MEGF8: variants seen among roughly 807,000 people sequenced by gnomAD.
The protein encoded by MEGF8 is multiple EGF like domains 8.
A neutral mutation model predicts 302.9 loss-of-function variants in MEGF8; 156 were observed. The observed-to-expected ratio is 0.52, with a 90% CI of 0.45 to 0.59. The LOEUF (loss-of-function observed/expected upper bound fraction) is 0.59, where lower values mean the gene tolerates loss of function less well. Among genes scored for constraint, MEGF8 ranks in the 20% least tolerant of loss-of-function variants. The pLI, the probability that MEGF8 is intolerant of heterozygous loss-of-function variation, is 0.00. For missense variants in MEGF8, 3,345 were observed against 3,964.5 expected (o/e 0.84, Z 4.20); for synonymous variants, 1,621 against 1,660.5 (o/e 0.98, Z 0.58).
intron 12 of MEGF8, among the ~76,000 whole-genome samples, chr19:42,347,602 C>T (rs1017419244): frequency 2.0e-5 from 3 of 152,068 alleles, no homozygotes; most frequent in Non-Finnish European, 4.4e-5. Flanking sequence ...GAACGATTCT[C>T]CTGCCTCAGG....
At chr19:42,361,998 G>T in intron 32 of MEGF8, 92 bp from the exon 33 acceptor site, 1 of 1,533,408 alleles carries the variant, frequency 6.5e-7, no homozygotes. Context: ...TCCAGCTTGG[G>T]ATGCAGGGTT....
At chr19:42,341,161 G>C (rs1411228437) in intron 8 of MEGF8, among the ~76,000 whole-genome samples, 1 of 152,074 alleles carries the variant, frequency 6.6e-6, no homozygotes, top group Admixed American at 6.6e-5. Context: ...GCCAGGCACT[G>C]TGGCTCATTC....
intron 35 of MEGF8, among the ~76,000 whole-genome samples, chr19:42,365,526 GA>G (rs1038191486): frequency 6.6e-6 from 1 of 150,486 alleles, no homozygotes; most frequent in East Asian, 1.9e-4. Context: ...AACACTTCAA[GA>G]AGCTGAGACA....
In MEGF8 at chr19:42,353,925, G is replaced by T; in HGVS notation, c.3912G>T (p.Trp1304Cys). 1 of 1,588,912 alleles carries T rather than the reference G, an allele frequency of 6.3e-7. No individual in the cohort carries two copies. Among genetic ancestry groups the T allele is most frequent in the East Asian group, 2.3e-5 (1 of 43,424 alleles). ...RAGPGLSYCVWVVSATEELQP... is the reference protein window; with the variant it reads ...RAGPGLSYCVCVVSATEELQP... ...GGCCTGGCCTGTCCTACTGTGTGTG[G>T]GTTGTCTCGGCCACTGAGGAGCTAC... Residue 1304 changes from tryptophan (W) to cysteine (C), a missense_variant, in exon 22 of 42, where the codon TGG (tryptophan) becomes TGT (cysteine). By Grantham distance (215) the Trp-to-Cys change is radical. Transcript: ENST00000251268. The surrounding 1 kb of genome is among the most constrained non-coding windows in gnomAD (Gnocchi z 6.1).
rs757833121 is a variant in MEGF8 at position 42,370,688 on chromosome 19, C to T, written c.7006-13C>T. The T allele has an allele frequency of 6.3e-7, 1 of 1,590,188 alleles. No homozygotes were observed. Among genetic ancestry groups the T allele is most frequent in the Non-Finnish European group, 8.6e-7 (1 of 1,168,378 alleles). On this transcript the variant is annotated splice_polypyrimidine_tract_variant and intron_variant, in intron 39 of 41. Transcript: ENST00000251268. ...CAGGCCTTTCTATGATCACACTGTC[C>T]TTCCTTGGCCAGATTGAAAACTGGG...
chr19:42,343,321 C>T (rs2039240898), intron 8 of MEGF8, among the ~76,000 whole-genome samples, 156 bp from the exon 9 acceptor site: 1 of 152,128 alleles, frequency 6.6e-6, no homozygotes, highest in Non-Finnish European at 1.5e-5. Flanking sequence ...TCAGCTTGTT[C>T]AGGGCCAGGT....
rs376066057 is a variant in MEGF8, at chr19:42,332,926, A to G, written c.188-679A>G. 4.6e-5 allele frequency among the ~76,000 whole-genome samples: 7 copies of G among 152,324 alleles called. 1 individual carries two copies. Among genetic ancestry groups the G allele is most frequent in the African/African-American group, 1.7e-4 (7 of 41,574 alleles). On this transcript the variant is annotated intron_variant, in intron 1 of 41. Coordinates refer to ENST00000251268, the MANE Select transcript of MEGF8 (RefSeq NM_001271938.2). ...ACTTTAGAGATGAGGAGACCGATCC[A>G]GAGGGGGTGGGTTACTTGGCCAAGA...
At chr19:42,332,498 G>T (rs560544145) in intron 1 of MEGF8, among the ~76,000 whole-genome samples, 1 of 152,290 alleles carries the variant, frequency 6.6e-6, no homozygotes, top group South Asian at 2.1e-4. Context: ...CTCCCAAGTA[G>T]CTGGGATTAC....
rs767873043 is a variant in MEGF8 at position 42,326,210 on chromosome 19, G to A, written c.-34G>A. The A allele has an allele frequency of 1.4e-6, 2 of 1,470,938 alleles. No homozygotes were observed. 91.1% of individuals were successfully genotyped at this position (1,470,938 alleles called of 1,614,324 possible). On this transcript the variant is annotated 5_prime_UTR_variant, in exon 1 of 42. Coordinates refer to ENST00000251268, the MANE Select transcript of MEGF8 (RefSeq NM_001271938.2). ...GGTCCTCTCCAGGTTTTTACGGCCT[G>A]TCCCCGCTCTAAGGGTCAGTGCAGG... is the stretch of plus-strand genomic sequence containing the variant.
At chr19:42,364,236 A>G (rs981060172) in intron 35 of MEGF8, among the ~76,000 whole-genome samples, 2 of 152,040 alleles carry the variant, frequency 1.3e-5, no homozygotes, top group Non-Finnish European at 2.9e-5. Context: ...CATTCCAAAG[A>G]CGCTTCCACC....
chr19:42,370,966 C>A (rs967095948), intron 40 of MEGF8, 135 bp downstream of exon 40: 1 of 587,126 alleles, frequency 1.7e-6, no homozygotes, highest in East Asian at 2.9e-5. Flanking sequence ...ATGACATCCC[C>A]AGGGAGCGCC....
chr19:42,360,273 T>C (rs2033858578), intron 31 of MEGF8, among the ~76,000 whole-genome samples: 1 of 151,860 alleles, frequency 6.6e-6, no homozygotes, highest in Non-Finnish European at 1.5e-5. Flanking sequence ...CTTTGTTGTC[T>C]GCTTGTGTCT....
In MEGF8 at chr19:42,358,727, G is replaced by C; in HGVS notation, c.5176-60G>C. On this transcript the variant is annotated intron_variant, in intron 29 of 41. Coordinates refer to ENST00000251268, the MANE Select transcript of MEGF8 (RefSeq NM_001271938.2). The surrounding 1 kb of genome is among the most constrained non-coding windows in gnomAD (Gnocchi z 4.4). The stretch of plus-strand genomic sequence containing the variant: ...CGTTTCCAAGCCCGTCTTGGAGGCA[G>C]GGGGCTAGAAGCAAGAGACTCGAGG... The C allele has an allele frequency of 2.7e-6, 4 of 1,458,500 alleles. No individual in the cohort carries two copies. The highest frequency in any genetic ancestry group is 3.6e-6 in the Non-Finnish European group (4 of 1,103,088). The allele number at this position is 1,458,500 out of a possible 1,614,324, so 90.3% of individuals were successfully genotyped here.
chr19:42,375,043 G>A lies in MEGF8; in HGVS notation c.7270-464G>A, dbSNP rs571908493. Among the ~76,000 whole-genome samples, 184 of 152,300 alleles carry A rather than the reference G, an allele frequency of 1.2e-3. No individual in the cohort carries two copies. The highest frequency in any genetic ancestry group is 4.4e-3 in the African/African-American group (181 of 41,562). ...AAGAAGCATCCAGGCAGGCAGGCGA[G>A]GCTGGCTGACCCTGCGCCGAGTGCC... On this transcript the variant is annotated intron_variant, in intron 41 of 41. Transcript: ENST00000251268. The surrounding 1 kb of genome is among the most constrained non-coding windows in gnomAD (Gnocchi z 7.1).
Position 42,362,396 on chromosome 19 carries a change from C to G in MEGF8, c.5857C>G (p.Arg1953Gly), listed in dbSNP as rs34475546. 2.5e-6 allele frequency: 4 copies of G among 1,613,900 alleles called. No individual in the cohort carries two copies. Among genetic ancestry groups the G allele is most frequent in the Non-Finnish European group, 3.4e-6 (4 of 1,179,874 alleles). ...CTTCCCTCACCAGGCGTCCACCCCC[C>G]GCTGTAAGTGGTGTACCAACTGCCC... Reference protein sequence around the residue: ...QPGDGEASTPRCKWCTNCPEG... With the variant: ...QPGDGEASTPGCKWCTNCPEG... Residue 1953 changes from arginine (R) to glycine (G), a missense_variant, in exon 34 of 42, where the codon CGC becomes GGC. Coordinates refer to ENST00000251268, the MANE Select transcript of MEGF8 (RefSeq NM_001271938.2).
intron 31 of MEGF8, among the ~76,000 whole-genome samples, chr19:42,360,372 G>T (rs1252498331): frequency 6.8e-6 from 1 of 146,456 alleles, no homozygotes; most frequent in Non-Finnish European, 1.5e-5. Flanking sequence ...TGGAGACATG[G>T]TCTTGTTCTG....
intron 41 of MEGF8, among the ~76,000 whole-genome samples, chr19:42,374,326 T>C (rs2039734595): frequency 6.6e-6 from 1 of 151,564 alleles, no homozygotes; most frequent in African/African-American, 2.4e-5. Context: ...CAAAAATTAG[T>C]TGGGTGTGGT....
At position 42,344,590 on chromosome 19, in the gene MEGF8, G is replaced by A. The variant is rs773666987; in HGVS notation, c.1933+5G>A. ...AGAGCTGCCTCCCTAGGCCTGGTGA[G>A]TGTCCGCAGCAGTGGGCCGGCAGGA... is the stretch of plus-strand genomic sequence containing the variant. On this transcript the variant is annotated splice_donor_5th_base_variant and intron_variant, in intron 11 of 41. Coordinates refer to ENST00000251268, the MANE Select transcript of MEGF8 (RefSeq NM_001271938.2). The surrounding 1 kb of genome is among the most constrained non-coding windows in gnomAD (Gnocchi z 4.5). The A allele has an allele frequency of 3.1e-6, 5 of 1,589,746 alleles. No individual in the cohort carries two copies. Among genetic ancestry groups the A allele is most frequent in the Non-Finnish European group, 8.6e-7 (1 of 1,168,476 alleles).
chr19:42,353,271 AC>A lies in MEGF8; in HGVS notation c.3550+145del. ...TGCCCCATTCCTGTTCCTGACTCAA[AC>A]AGGTTTCAGTGCCACCCGTCACTCT... On this transcript the variant is annotated intron_variant, in intron 20 of 41. Coordinates refer to ENST00000251268, the MANE Select transcript of MEGF8 (RefSeq NM_001271938.2). The surrounding 1 kb of genome is among the most constrained non-coding windows in gnomAD (Gnocchi z 6.1). The A allele has an allele frequency of 4.8e-6, 5 of 1,038,736 alleles. No individual in the cohort carries two copies. Among genetic ancestry groups the A allele is most frequent in the Non-Finnish European group, 5.5e-6 (4 of 727,518 alleles). The allele number at this position is 1,038,736 out of a possible 1,614,324, so 64.3% of individuals were successfully genotyped here. A position where few individuals can be genotyped will look rare whatever the true frequency, so the allele number is the denominator to read the frequency against.
Sources: gnomAD v4.1 joint callset for allele counts (sites outside exome capture counted in the v4.1 genomes callset) on GRCh38, gnomAD v4.1.1 for gene constraint, Gnocchi (gnomAD v3.1) non-coding constraint, MANE v1.5 for transcripts, NCBI Gene and HGNC (gene_info 2026-07-23, HGNC 2026-07-21) for gene names.